The following KLHL2 variants were observed in gnomAD, a reference collection of about 807,000 sequenced individuals.
KLHL2 encodes the protein kelch-like protein 2.
KLHL2 carries 15 observed loss-of-function variants against 75.8 expected under a neutral mutation model. The observed-to-expected ratio is 0.20, with a 90% CI of 0.13 to 0.30. The LOEUF is 0.30. Among genes scored for constraint, KLHL2 ranks in the 10% least tolerant of loss-of-function variants. The pLI is 1.00. For missense variants in KLHL2, 381 were observed against 741.0 expected (o/e 0.51, Z 5.64); for synonymous variants, 214 against 251.9 (o/e 0.85, Z 1.42).
At position 165,297,781 on chromosome 4, in the gene KLHL2, A is replaced by G. The variant is rs1745027973; in HGVS notation, c.771+56A>G. On this transcript the variant is annotated intron_variant, in intron 7 of 14. Transcript: ENST00000226725. ...CACAGCACTGTGTCACTGGCCTGACAGCATGTAGATCCCTATCAAGCAGTG... is the reference window on the plus strand; with the variant it reads ...CACAGCACTGTGTCACTGGCCTGACGGCATGTAGATCCCTATCAAGCAGTG... 3.0e-6 allele frequency: 3 copies of G among 1,002,786 alleles called. No individual in the cohort carries two copies. The Admixed American group carries it at 5.1e-5, about 17-fold the overall frequency. The allele number at this position is 1,002,786 out of a possible 1,614,324, so 62.1% of individuals were successfully genotyped here. A position where few individuals can be genotyped will look rare whatever the true frequency, so the allele number is the denominator to read the frequency against.
At position 165,314,031 on chromosome 4, in the gene KLHL2, G is replaced by A. The variant is rs1243131608; in HGVS notation, c.1474G>A (p.Gly492Ser). The change falls in exon 13 of 15, where the codon GGT becomes AGT. Residue 492 changes from glycine (G) to serine (S), a missense_variant. Around this residue, in one of 5 missense-constraint regions of KLHL2, gnomAD observed 168 missense variants for 370.4 expected, o/e 0.45. Transcript: ENST00000226725. ...TGGCTGGTTGTGTTTTATAGGTGTT[G>A]GTGTGTTAAACAATTTATTGTATGC... ...MSTRRSGAGV[G>S]VLNNLLYAVG... is the part of the protein sequence containing the mutation. The A allele has an allele frequency of 1.2e-6, 2 of 1,611,968 alleles. No individual in the cohort carries two copies. The highest frequency in any genetic ancestry group is 1.7e-6 in the Non-Finnish European group (2 of 1,179,068).
chr4:165,234,537 C>G (rs1451534986), intron 3 of KLHL2, among the ~76,000 whole-genome samples: 1 of 149,958 alleles, frequency 6.7e-6, no homozygotes, highest in Admixed American at 6.6e-5. Context: ...TGGATAAATT[C>G]ATTTTGCAAT....
chr4:165,312,291 A>G (rs1017283745), intron 11 of KLHL2, among the ~76,000 whole-genome samples: 1 of 152,164 alleles, frequency 6.6e-6, no homozygotes, highest in Non-Finnish European at 1.5e-5. Flanking sequence ...GCTTGGGGGA[A>G]CAATTCAGGT....
chr4:165,256,972 A>C (rs1265476429), intron 4 of KLHL2, among the ~76,000 whole-genome samples: 1 of 152,230 alleles, frequency 6.6e-6, no homozygotes, highest in African/African-American at 2.4e-5. Flanking sequence ...ATCTCTTTTA[A>C]GAGCTGAAAA....
chr4:165,292,402 G>A (rs902127477), intron 5 of KLHL2, among the ~76,000 whole-genome samples: 23 of 151,896 alleles, frequency 1.5e-4, no homozygotes, highest in African/African-American at 4.1e-4. Flanking sequence ...GCGTGATCTC[G>A]GCTTACTGCA....
intron 4 of KLHL2, among the ~76,000 whole-genome samples, chr4:165,246,213 C>T (rs966805030): frequency 8.6e-5 from 13 of 151,884 alleles, no homozygotes; most frequent in African/African-American, 1.7e-4. Context: ...ATAAGTTTGG[C>T]GTGTTTTATG....
chr4:165,308,795 C>G (rs1314471959), intron 9 of KLHL2, among the ~76,000 whole-genome samples: 1 of 152,186 alleles, frequency 6.6e-6, no homozygotes, highest in Admixed American at 6.5e-5. Flanking sequence ...TTGTTTCATG[C>G]TGAAACATGC....
chr4:165,305,551 T>C (rs1745667129), intron 8 of KLHL2, 57 bp from the exon 9 acceptor site: 5 of 1,392,046 alleles, frequency 3.6e-6, no homozygotes, highest in Middle Eastern at 3.6e-4. Flanking sequence ...TAGGACATTT[T>C]AAATCCTGAA....
rs1466841051 is a variant in KLHL2 at position 165,299,649 on chromosome 4, T to G, written c.914T>G (p.Leu305Arg). The G allele has an allele frequency of 6.2e-7, 1 of 1,601,480 alleles. No individual in the cohort carries two copies. The highest frequency in any genetic ancestry group is 1.3e-5 in the African/African-American group (1 of 74,430). Residue 305 changes from leucine (L) to arginine (R), a missense_variant, in exon 8 of 15, where the codon CTT (leucine) becomes CGT (arginine). Physicochemically the swap from Leu to Arg is moderately radical, Grantham distance 102 (BLOSUM62 -2). Around this residue, in one of 5 missense-constraint regions of KLHL2, gnomAD observed 168 missense variants for 370.4 expected, o/e 0.45. Transcript: ENST00000226725. ...VRTRLRTPMN[L>R]PKLMVVVGGQ... ...ACCCGGCTGAGGACACCCATGAACC[T>G]TCCCAAAGTAGGATCTGTTTCTCAT...
intron 4 of KLHL2, among the ~76,000 whole-genome samples, chr4:165,259,365 T>C (rs974370882): frequency 1.3e-5 from 2 of 152,212 alleles, no homozygotes; most frequent in Non-Finnish European, 2.9e-5. Context: ...CACCTTAGCC[T>C]CCCAAAGTGC....
chr4:165,294,615 T>C, intron 6 of KLHL2, 147 bp downstream of exon 6: 4 of 504,004 alleles, frequency 7.9e-6, no homozygotes, highest in Non-Finnish European at 1.4e-5. Flanking sequence ...AGCTAGTTAC[T>C]TCAGGAAAGG....
chr4:165,272,697 A>T (rs1046052710), intron 5 of KLHL2, among the ~76,000 whole-genome samples: 3 of 151,980 alleles, frequency 2.0e-5, no homozygotes, highest in Non-Finnish European at 4.4e-5. Flanking sequence ...TGCTTATATC[A>T]GAAGCAACTC....
At chr4:165,317,206 C>T (rs2126586568) in intron 13 of KLHL2, among the ~76,000 whole-genome samples, 1 of 149,008 alleles carries the variant, frequency 6.7e-6, no homozygotes, top group Middle Eastern at 3.5e-3. Context: ...CTGACTTTGA[C>T]TTTTTATTAA....
At chr4:165,230,114 G>T (rs1738764226) in intron 3 of KLHL2, among the ~76,000 whole-genome samples, 1 of 152,186 alleles carries the variant, frequency 6.6e-6, no homozygotes, top group African/African-American at 2.4e-5. Flanking sequence ...TATGTCTTGG[G>T]GTTCACTCTA....
intron 5 of KLHL2, chr4:165,277,748 A>AAAAAAAAAACACAC (rs370662927): frequency 2.0e-6 from 1 of 491,652 alleles, no homozygotes; most frequent in African/African-American, 2.0e-5. Flanking sequence ...GGATGTTAAA[A>AAAAAAAAAACACAC]ACACACACAC....
Position 165,284,314 on chromosome 4 carries a change from A to G in KLHL2, c.545-10045A>G, listed in dbSNP as rs138196587. ...TGCTCTGTTTCCCTTTCGAAACTGA[A>G]TGCCTTTAACAGTACCCAAGTCACC... On this transcript the variant is annotated intron_variant, in intron 5 of 14. Transcript: ENST00000226725. 2.4e-4 allele frequency among the ~76,000 whole-genome samples: 37 copies of G among 152,296 alleles called. No individual in the cohort carries two copies. The East Asian group carries it at 7.0e-3, about 29-fold the overall frequency.
chr4:165,300,802 T>C (rs1745296820), intron 8 of KLHL2, among the ~76,000 whole-genome samples: 1 of 152,230 alleles, frequency 6.6e-6, no homozygotes, highest in Admixed American at 6.5e-5. Flanking sequence ...TAAGAATCTG[T>C]TCTCTCGTTT....
chr4:165,280,375 C>T (rs1743571241), intron 5 of KLHL2, among the ~76,000 whole-genome samples: 1 of 152,226 alleles, frequency 6.6e-6, no homozygotes, highest in South Asian at 2.1e-4. Flanking sequence ...CAGAAAATTT[C>T]TTCAATCATT....
chr4:165,264,800 A>T (rs1245536000), intron 5 of KLHL2, among the ~76,000 whole-genome samples: 2 of 136,894 alleles, frequency 1.5e-5, no homozygotes, highest in South Asian at 2.5e-4. Context: ...ATGGGCACTT[A>T]GGTTGATTCC....
Sources: allele counts gnomAD v4.1 joint callset (sites outside exome capture counted in the v4.1 genomes callset), GRCh38; gene constraint gnomAD v4.1.1; regional missense constraint gnomAD v4.1.1; transcripts MANE v1.5; gene names NCBI Gene and HGNC (gene_info 2026-07-23, HGNC 2026-07-21).